PEAK1: variants seen among roughly 807,000 people sequenced by gnomAD.
The protein encoded by PEAK1 is inactive tyrosine-protein kinase PEAK1.
In PEAK1, 54 loss-of-function variants were observed where a neutral mutation model predicts 124.7. That is an observed-to-expected ratio of 0.43 (90% CI 0.35 to 0.54). The LOEUF is 0.54. Ranked by LOEUF, PEAK1 falls within the 20% of genes least tolerant of loss-of-function variation. PEAK1 has a pLI of 0.01. For missense variants in PEAK1, 2,046 were observed against 2,134.5 expected, an observed-to-expected ratio of 0.96 and a Z score of 0.82; for synonymous variants, 719 against 760.0, an observed-to-expected ratio of 0.95 and a Z score of 0.89.
At chr15:77,202,656 G>GCTA (rs1250523811) in intron 6 of PEAK1, among the ~76,000 whole-genome samples, 2 of 151,318 alleles carry the variant, frequency 1.3e-5, no homozygotes, top group Non-Finnish European at 3.0e-5. Flanking sequence ...TGTAGTCCCA[G>GCTA]CTACTCAGGA....
At chr15:77,225,936 T>C (rs992752373) in intron 6 of PEAK1, among the ~76,000 whole-genome samples, 5 of 145,846 alleles carry the variant, frequency 3.4e-5, no homozygotes, top group African/African-American at 1.2e-4. Flanking sequence ...GTAAATGAAA[T>C]GTTTATGCTG....
chr15:77,215,608 C>T (rs2059115464), intron 6 of PEAK1, among the ~76,000 whole-genome samples: 1 of 152,202 alleles, frequency 6.6e-6, no homozygotes, highest in South Asian at 2.1e-4. Flanking sequence ...ACAGACACAA[C>T]CAACCTTTTT....
At chr15:77,184,876 T>TCGA (rs1428561813) in intron 6 of PEAK1, among the ~76,000 whole-genome samples, 1 of 96,476 alleles carries the variant, frequency 1.0e-5, no homozygotes, top group African/African-American at 3.8e-5. Context: ...CACCACAGTC[T>TCGA]AAGACAAACA....
intron 2 of PEAK1, chr15:77,336,043 G>T (rs781066934): frequency 9.1e-6 from 9 of 985,234 alleles, no homozygotes; most frequent in Non-Finnish European, 1.1e-5. Flanking sequence ...ATTTTTGAAG[G>T]TAAGATAACA....
chr15:77,275,151 T>C (rs1798780039), intron 5 of PEAK1, among the ~76,000 whole-genome samples: 1 of 152,080 alleles, frequency 6.6e-6, no homozygotes, highest in Non-Finnish European at 1.5e-5. Context: ...ACAACGAACT[T>C]TGAGGACTTG....
chr15:77,178,084 G>A (rs2056995011), intron 7 of PEAK1: 1 of 152,136 alleles, frequency 6.6e-6, no homozygotes, highest in Admixed American at 6.5e-5. Flanking sequence ...ACCTTGCACA[G>A]AATAGGTGAT....
chr15:77,185,575 T>A (rs34568673), intron 6 of PEAK1, among the ~76,000 whole-genome samples: 12,838 of 152,278 alleles, frequency 0.084, 622 homozygotes, highest in Non-Finnish European at 0.1. Flanking sequence ...TGAGCTCATC[T>A]GTGACCTTAG....
intron 2 of PEAK1, among the ~76,000 whole-genome samples, chr15:77,326,960 C>T: frequency 6.6e-6 from 1 of 152,074 alleles, no homozygotes; most frequent in East Asian, 1.9e-4. Flanking sequence ...CTCAAGTAAA[C>T]ATATTCAACA....
In PEAK1 at chr15:77,189,853, T is replaced by G. The variant is rs914814271; in HGVS notation, c.-114-7813A>C. Among the ~76,000 whole-genome samples the G allele has an allele frequency of 7.2e-5, 11 of 152,114 alleles. No homozygotes were observed. The East Asian group carries it at 2.1e-3, about 29-fold the overall frequency. On this transcript the variant is annotated intron_variant, in intron 6 of 9. Coordinates refer to ENST00000682557, the MANE Select transcript of PEAK1 (RefSeq NM_001385026.1). ...AACTGCCAAGTGAAGAAAGCTGGAC[T>G]GCAGGCTAAATTAGGGAGTCACAGC...
intron 8 of PEAK1, chr15:77,157,414 T>G (rs1419621870): frequency 1.3e-5 from 2 of 152,206 alleles, no homozygotes; most frequent in African/African-American, 4.8e-5. Context: ...GGCTTTGCTT[T>G]TCAGAAGGAA....
chr15:77,260,289 G>C (rs1287372583), intron 5 of PEAK1, among the ~76,000 whole-genome samples: 2 of 152,088 alleles, frequency 1.3e-5, no homozygotes, highest in Non-Finnish European at 2.9e-5. Context: ...TCAGGAAGAA[G>C]TCCAACATTC....
chr15:77,379,976 C>G (rs186366036), intron 1 of PEAK1, among the ~76,000 whole-genome samples: 4 of 152,282 alleles, frequency 2.6e-5, no homozygotes, highest in Admixed American at 2.6e-4. Flanking sequence ...TTTTCTTCCT[C>G]AACAATTACT....
At chr15:77,335,519 G>T (rs2066145295) in intron 2 of PEAK1, 1 of 981,520 alleles carries the variant, frequency 1.0e-6, no homozygotes, top group African/African-American at 1.7e-5. Context: ...CTGGCTTGTT[G>T]CCCAGGTTGG....
intron 2 of PEAK1, among the ~76,000 whole-genome samples, chr15:77,312,017 A>C (rs1243241701): frequency 6.6e-6 from 1 of 152,156 alleles, no homozygotes; most frequent in Non-Finnish European, 1.5e-5. Context: ...AGTTGTATGA[A>C]TCATGTGAGA....
At chr15:77,313,834 G>C (rs926943293) in intron 2 of PEAK1, among the ~76,000 whole-genome samples, 5 of 150,756 alleles carry the variant, frequency 3.3e-5, no homozygotes, top group African/African-American at 9.8e-5. Flanking sequence ...CACCCACCTC[G>C]GCCTCCCAGA....
intron 1 of PEAK1, among the ~76,000 whole-genome samples, chr15:77,408,519 G>A (rs967216699): frequency 3.3e-5 from 5 of 151,198 alleles, no homozygotes; most frequent in Admixed American, 2.0e-4. Flanking sequence ...CCTGTTCCCT[G>A]AAAACCTATG....
rs201387928 is a variant in PEAK1 at position 77,181,444 on chromosome 15, A to C, written c.483T>G (p.Thr161=). Residue 161 remains threonine, a synonymous_variant, in exon 7 of 10, where the codon ACT becomes ACG. Transcript: ENST00000682557. ...EVLKEIAGLD[T]APQIRGNETN... is the part of the protein sequence containing the mutation. ...TTTCATTTCCTCTTATCTGAGGGGC[A>C]GTATCCAAGCCTGCTATCTCCTTTA... 4 of 1,614,076 alleles carry C rather than the reference A, an allele frequency of 2.5e-6. No individual in the cohort carries two copies. Among genetic ancestry groups the C allele is most frequent in the Non-Finnish European group, 3.4e-6 (4 of 1,180,024 alleles).
intron 2 of PEAK1, among the ~76,000 whole-genome samples, chr15:77,325,195 A>G (rs2065489416): frequency 6.6e-6 from 1 of 152,006 alleles, no homozygotes; most frequent in Non-Finnish European, 1.5e-5. Context: ...AAGGTGGGAG[A>G]ATTGCTGAGA....
Position 77,181,220 on chromosome 15 carries a change from C to T in PEAK1, c.707G>A (p.Ser236Asn), listed in dbSNP as rs768700311. The change falls in exon 7 of 10, where the codon AGT becomes AAT. Residue 236 changes from serine to asparagine, a missense_variant. Coordinates refer to ENST00000682557, the MANE Select transcript of PEAK1 (RefSeq NM_001385026.1). ...CYPEFSSGEE[S>N]EEDVLFSNME... ...GTTACTGAAAAGTACATCCTCTTCA[C>T]TCTCCTCGCCACTGGAAAACTCTGG... is the stretch of plus-strand genomic sequence containing the variant. The T allele has an allele frequency of 4.2e-5, 68 of 1,613,810 alleles. No homozygotes were observed. The highest frequency in any genetic ancestry group is 5.5e-5 in the Non-Finnish European group (65 of 1,179,946).
Sources: allele counts gnomAD v4.1 joint callset (sites outside exome capture counted in the v4.1 genomes callset), GRCh38; gene constraint gnomAD v4.1.1; transcripts MANE v1.5; gene names NCBI Gene and HGNC (gene_info 2026-07-23, HGNC 2026-07-21).